SLC7A2: variants seen among roughly 807,000 people sequenced by gnomAD.
SLC7A2 encodes cationic amino acid transporter 2.
In SLC7A2, 48 loss-of-function variants were observed where a neutral mutation model predicts 58.9. That is an observed-to-expected ratio of 0.82 (90% CI 0.65 to 1.04). The LOEUF (loss-of-function observed/expected upper bound fraction) is 1.04, where lower values mean the gene tolerates loss of function less well. Among genes scored for constraint, SLC7A2 ranks in the 50% least tolerant of loss-of-function variants. SLC7A2 has a pLI of 0.00. For missense variants in SLC7A2, 1,029 were observed against 818.8 expected (o/e 1.26, Z -3.13); for synonymous variants, 363 against 314.5 (o/e 1.15, Z -1.63).
chr8:17,551,382 T>C (rs142751358), intron 6 of SLC7A2, among the ~76,000 whole-genome samples: 1 of 152,318 alleles, frequency 6.6e-6, no homozygotes, highest in African/African-American at 2.4e-5. Flanking sequence ...GTGGATCACT[T>C]GAGGCCAGGA....
intron 5 of SLC7A2, among the ~76,000 whole-genome samples, chr8:17,549,151 C>T (rs1802323878): frequency 1.3e-5 from 2 of 152,174 alleles, no homozygotes; most frequent in African/African-American, 4.8e-5. Context: ...ACAGGAAAGA[C>T]CTGCCCCCAT....
rs114454370 is a variant in SLC7A2 at position 17,563,644 on chromosome 8, G to T, written c.1713G>T (p.Val571=). ...TTTTGCCAGCGTTCAGCATCTTGGT[G>T]AACATTTACTTGATGGTCCAGTTAA... is the stretch of plus-strand genomic sequence containing the variant. ...LPFLPAFSIL[V]NIYLMVQLSA... Residue 571 remains valine (V), a synonymous_variant, in exon 12 of 13, where the codon GTG becomes GTT. Transcript: ENST00000494857. The T allele has an allele frequency of 1.2e-6, 2 of 1,613,688 alleles. No individual in the cohort carries two copies. Among genetic ancestry groups the T allele is most frequent in the Non-Finnish European group, 1.7e-6 (2 of 1,179,728 alleles).
chr8:17,532,554 A>C (rs2517244), intron 2 of SLC7A2, among the ~76,000 whole-genome samples: 77,749 of 151,984 alleles, frequency 0.51, 21,664 homozygotes, highest in Non-Finnish European at 0.62. Context: ...TTGATCTTTT[A>C]GAGAAACTGA....
At chr8:17,519,562 C>T (rs1162264688) in intron 2 of SLC7A2, among the ~76,000 whole-genome samples, 1 of 152,212 alleles carries the variant, frequency 6.6e-6, no homozygotes, top group Non-Finnish European at 1.5e-5. Flanking sequence ...TCAGCCTTCA[C>T]TGAGGCTGTG....
intron 2 of SLC7A2, among the ~76,000 whole-genome samples, chr8:17,537,170 C>T (rs935929681): frequency 5.3e-5 from 8 of 152,320 alleles, no homozygotes; most frequent in African/African-American, 1.9e-4. Context: ...AATTCTCCTG[C>T]CTTAGCCTCC....
intron 8 of SLC7A2, chr8:17,554,939 G>C (rs750865825): frequency 1.5e-4 from 241 of 1,613,356 alleles, no homozygotes; most frequent in Non-Finnish European, 1.9e-4. Flanking sequence ...GAATTTTTCT[G>C]TTCTAGTCTT....
chr8:17,554,506 G>T (rs1267547635), intron 7 of SLC7A2, 54 bp from the exon 8 acceptor site: 15 of 1,433,752 alleles, frequency 1.0e-5, no homozygotes, highest in Non-Finnish European at 1.4e-5. Context: ...TCCGTTCGGG[G>T]ATGTAATCTT....
intron 2 of SLC7A2, among the ~76,000 whole-genome samples, chr8:17,517,343 T>G (rs1800843055): frequency 6.6e-6 from 1 of 152,162 alleles, no homozygotes; most frequent in South Asian, 2.1e-4. Flanking sequence ...TGTTCTGAAA[T>G]GTGTTTTGAA....
intron 2 of SLC7A2, among the ~76,000 whole-genome samples, chr8:17,514,797 A>G (rs965848745): frequency 6.6e-6 from 1 of 152,236 alleles, no homozygotes; most frequent in African/African-American, 2.4e-5. Context: ...TCTCAGAATC[A>G]TAGCAGTAAT....
intron 8 of SLC7A2, among the ~76,000 whole-genome samples, chr8:17,557,701 G>A (rs1329671594): frequency 1.3e-5 from 2 of 152,104 alleles, no homozygotes; most frequent in African/African-American, 2.4e-5. Flanking sequence ...GGTGGCGCAC[G>A]CCTGTAGTCC....
At chr8:17,563,164 T>C (rs913924992) in intron 11 of SLC7A2, among the ~76,000 whole-genome samples, 4 of 151,984 alleles carry the variant, frequency 2.6e-5, no homozygotes, top group Non-Finnish European at 5.9e-5. Context: ...TAAAACTAAA[T>C]TGAACATTAA....
Position 17,529,532 on chromosome 8 carries a change from G to GT in SLC7A2, c.-22-13772dup, listed in dbSNP as rs58195705. ...TCTTTGTTTTTGGTTTTGTTTTTTT[G>GT]TTTTTTTTTTTTTTGAGAGATAGAG... On this transcript the variant is annotated intron_variant, in intron 2 of 12. Coordinates refer to ENST00000494857, the MANE Select transcript of SLC7A2 (RefSeq NM_001370338.1). 2.0e-3 allele frequency among the ~76,000 whole-genome samples: 279 copies of GT among 139,452 alleles called. 1 individual carries two copies. In the Middle Eastern group the frequency reaches 0.022, roughly 11 times the overall value. 91.5% of individuals were successfully genotyped at this position (139,452 alleles called of 152,430 possible).
chr8:17,548,807 G>A lies in SLC7A2; in HGVS notation c.662G>A (p.Ser221Asn), dbSNP rs748908401. The A allele has an allele frequency of 2.0e-5, 32 of 1,612,278 alleles. No individual in the cohort carries two copies. The highest frequency in any genetic ancestry group is 2.7e-5 in the African/African-American group (2 of 74,788). The change falls in exon 5 of 13, where the codon AGT (serine) becomes AAT (asparagine). Residue 221 changes from serine (S) to asparagine (N), a missense_variant. Coordinates refer to ENST00000494857, the MANE Select transcript of SLC7A2 (RefSeq NM_001370338.1). ...GGAAATGTGGCAAACTGGAAGATTAGTGAAGAGTTTCTCAAAAATATATCA... is the reference window on the plus strand; with the variant it reads ...GGAAATGTGGCAAACTGGAAGATTAATGAAGAGTTTCTCAAAAATATATCA... ...VKGNVANWKI[S>N]EEFLKNISAS...
intron 2 of SLC7A2, among the ~76,000 whole-genome samples, chr8:17,541,657 T>C (rs1287202321): frequency 1.3e-5 from 2 of 152,246 alleles, no homozygotes; most frequent in African/African-American, 2.4e-5. Flanking sequence ...TGTTGACTTA[T>C]ATGTTTTGGT....
chr8:17,543,558 C>T lies in SLC7A2; in HGVS notation c.219C>T (p.Leu73=). The stretch of plus-strand genomic sequence containing the variant: ...GCCCCAGCATCGTGGTGTCCTTCCT[C>T]ATTGCTGCCCTGGCTTCAGTGATGG... The part of the protein sequence containing the change: ...DSGPSIVVSF[L]IAALASVMAG... The change falls in exon 3 of 13, where the codon CTC becomes CTT. Residue 73 remains leucine (L), a synonymous_variant. Transcript: ENST00000494857. 1.2e-6 allele frequency: 2 copies of T among 1,611,798 alleles called. No individual in the cohort carries two copies. Among genetic ancestry groups the T allele is most frequent in the African/African-American group, 1.3e-5 (1 of 75,006 alleles).
chr8:17,507,982 T>C (rs189485033), intron 2 of SLC7A2, among the ~76,000 whole-genome samples: 1 of 152,298 alleles, frequency 6.6e-6, no homozygotes, highest in Admixed American at 6.5e-5. Context: ...TGGGAAAATA[T>C]AGTCTTAATC....
chr8:17,549,270 A>T (rs2427721), intron 5 of SLC7A2, among the ~76,000 whole-genome samples: 110,362 of 152,114 alleles, frequency 0.73, 40,363 homozygotes, highest in East Asian at 0.9. Context: ...CAGAAGGCAT[A>T]TGTGGGTTTT....
At chr8:17,500,354 C>T (rs956084213) in intron 1 of SLC7A2, 1 of 152,128 alleles carries the variant, frequency 6.6e-6, no homozygotes, top group African/African-American at 2.4e-5. Context: ...TTATATTTCC[C>T]TTTTACTTGA....
At chr8:17,508,981 C>T (rs1487018907) in intron 2 of SLC7A2, among the ~76,000 whole-genome samples, 1 of 152,054 alleles carries the variant, frequency 6.6e-6, no homozygotes, top group Admixed American at 6.5e-5. Flanking sequence ...GCTCCTGTGG[C>T]GTGTGTTGGT....
Sources: allele counts gnomAD v4.1 joint callset (sites outside exome capture counted in the v4.1 genomes callset), GRCh38; gene constraint gnomAD v4.1.1; transcripts MANE v1.5; gene names NCBI Gene and HGNC (gene_info 2026-07-23, HGNC 2026-07-21).